RBFOX1: variants seen among roughly 807,000 people sequenced by gnomAD.
RBFOX1 encodes RNA binding protein fox-1 homolog 1.
Under a neutral mutation model 57.7 loss-of-function variants are expected in RBFOX1, and 8 were observed. The observed-to-expected ratio is 0.14, with a 90% confidence interval of 0.08 to 0.25. The LOEUF is 0.25. Ranked by LOEUF, RBFOX1 falls within the 10% of genes least tolerant of loss-of-function variation. The pLI, the probability that RBFOX1 is intolerant of heterozygous loss-of-function variation, is 1.00. For missense variants in RBFOX1, 611 were observed against 548.5 expected, an observed-to-expected ratio of 1.11 and a Z score of -1.14; for synonymous variants, 326 against 222.4, an observed-to-expected ratio of 1.47 and a Z score of -4.15.
intron 3 of RBFOX1, among the ~76,000 whole-genome samples, chr16:6,855,441 G>A (rs536904041): frequency 4.3e-4 from 66 of 152,106 alleles, no homozygotes; most frequent in African/African-American, 1.5e-3. Context: ...CATGAGGTCA[G>A]GAGATCGAGA....
chr16:5,575,158 A>T (rs142664141), intron 2 of RBFOX1, among the ~76,000 whole-genome samples: 1 of 152,156 alleles, frequency 6.6e-6, no homozygotes, highest in South Asian at 2.1e-4. Context: ...TACAACTATG[A>T]TGCTTCTGTT....
At chr16:5,814,047 A>C (rs1029893594) in intron 3 of RBFOX1, among the ~76,000 whole-genome samples, 1 of 152,248 alleles carries the variant, frequency 6.6e-6, no homozygotes, top group Admixed American at 6.5e-5. Context: ...TAGTAATAGT[A>C]GTTATTATTA....
intron 3 of RBFOX1, among the ~76,000 whole-genome samples, chr16:5,817,278 T>C (rs908395066): frequency 1.3e-5 from 2 of 152,170 alleles, no homozygotes; most frequent in Non-Finnish European, 2.9e-5. Flanking sequence ...GCTTGGAGCT[T>C]TGAAATCCAT....
At chr16:5,997,755 T>A (rs1277380419) in intron 4 of RBFOX1, among the ~76,000 whole-genome samples, 1 of 152,262 alleles carries the variant, frequency 6.6e-6, no homozygotes, top group African/African-American at 2.4e-5. Flanking sequence ...AAGTTTCTGT[T>A]AAATCTCACT....
chr16:6,730,848 A>T (rs568783146), intron 3 of RBFOX1, among the ~76,000 whole-genome samples: 1 of 152,316 alleles, frequency 6.6e-6, no homozygotes, highest in South Asian at 2.1e-4. Context: ...AGGGGACTGT[A>T]CTAAAGATTC....
chr16:7,258,210 T>C (rs1796048111), intron 4 of RBFOX1, among the ~76,000 whole-genome samples: 1 of 152,252 alleles, frequency 6.6e-6, no homozygotes, highest in African/African-American at 2.4e-5. Context: ...CAGAGAGGCA[T>C]GTATGCACAC....
In RBFOX1 at chr16:6,019,990, T is replaced by C; in HGVS notation, c.-129T>C. 6.6e-7 allele frequency: 1 copy of C among 1,526,326 alleles called. No individual in the cohort carries two copies. Among genetic ancestry groups the C allele is most frequent in the Non-Finnish European group, 8.8e-7 (1 of 1,140,542 alleles). 94.5% of individuals were successfully genotyped at this position (1,526,326 alleles called of 1,614,324 possible). ...CCGCAGCCGGGCTCGCCGGGAGTTCTAGGTAAGTCCAGGCGGAGTCATTGC... is the reference window on the plus strand; with the variant it reads ...CCGCAGCCGGGCTCGCCGGGAGTTCCAGGTAAGTCCAGGCGGAGTCATTGC... On this transcript the variant is annotated splice_region_variant and 5_prime_UTR_variant, in exon 1 of 16. Transcript: ENST00000550418. This position sits in a 1 kb window ranked among gnomAD's most constrained non-coding sequence, Gnocchi z 4.2.
At chr16:6,717,425 G>C (rs1462886824) in intron 3 of RBFOX1, among the ~76,000 whole-genome samples, 2 of 152,088 alleles carry the variant, frequency 1.3e-5, no homozygotes, top group African/African-American at 2.4e-5. Context: ...AGAAACTTGA[G>C]AGCAGAATGG....
chr16:6,207,018 A>G (rs537725132), intron 1 of RBFOX1, among the ~76,000 whole-genome samples: 1 of 152,020 alleles, frequency 6.6e-6, no homozygotes, highest in Non-Finnish European at 1.5e-5. Flanking sequence ...CTTGCTTAAA[A>G]AAAAATTAAA....
At position 7,327,088 on chromosome 16, in the gene RBFOX1, G is replaced by A. The variant is rs540439643; in HGVS notation, c.28-191059G>A. Among the ~76,000 whole-genome samples, 20 of 152,318 alleles carry A rather than the reference G, an allele frequency of 1.3e-4. No homozygotes were observed. In the South Asian group the frequency reaches 3.9e-3, roughly 30 times the overall value. On this transcript the variant is annotated intron_variant, in intron 4 of 15. Coordinates refer to ENST00000550418, the MANE Select transcript of RBFOX1 (RefSeq NM_018723.4). ...TCTGAACCAAACACAATGCTGAAAT[G>A]ACTTTCGGACAAAGGTGATGGTGCA...
intron 2 of RBFOX1, among the ~76,000 whole-genome samples, chr16:5,588,450 T>G (rs1193464766): frequency 6.6e-6 from 1 of 152,218 alleles, no homozygotes; most frequent in African/African-American, 2.4e-5. Context: ...GGTCATGTAT[T>G]GAAGCACATA....
chr16:7,350,406 A>G (rs1299181793), intron 4 of RBFOX1, among the ~76,000 whole-genome samples: 1 of 152,202 alleles, frequency 6.6e-6, no homozygotes, highest in Non-Finnish European at 1.5e-5. Context: ...ACACAAAGTC[A>G]GGTGTGCAAT....
chr16:6,785,431 C>T (rs934026273), intron 3 of RBFOX1, among the ~76,000 whole-genome samples: 1 of 152,100 alleles, frequency 6.6e-6, no homozygotes, highest in Admixed American at 6.5e-5. Context: ...GGCAAAACTG[C>T]ATTGATCCTT....
At chr16:7,061,047 C>T (rs1025827426) in intron 4 of RBFOX1, among the ~76,000 whole-genome samples, 8 of 138,040 alleles carry the variant, frequency 5.8e-5, no homozygotes, top group African/African-American at 2.0e-4. Flanking sequence ...TGTACGTGCA[C>T]GTGCACACAT....
chr16:6,450,765 G>GTATATATATATATACACATATATATA (rs1303973736), intron 2 of RBFOX1, among the ~76,000 whole-genome samples: 1 of 19,442 alleles, frequency 5.1e-5, no homozygotes, highest in Non-Finnish European at 8.9e-5. Flanking sequence ...ATATATATAT[G>GTATATATATATATACACATATATATA]TGTATATATA....
At chr16:6,282,396 G>C (rs889285874) in intron 1 of RBFOX1, among the ~76,000 whole-genome samples, 4 of 142,020 alleles carry the variant, frequency 2.8e-5, no homozygotes, top group Non-Finnish European at 6.0e-5. Context: ...TTTAAGTTCT[G>C]GGATACGTGT....
downstream of RBFOX1, among the ~76,000 whole-genome samples, chr16:5,603,978 C>T (rs543403508): frequency 1.4e-5 from 2 of 148,002 alleles, no homozygotes; most frequent in South Asian, 4.2e-4. Context: ...GTGTCATTCT[C>T]CCCTCCTATA....
chr16:5,625,987 C>T lies in RBFOX1; in HGVS notation c.318+27026C>T, dbSNP rs568215905. On this transcript the variant is annotated intron_variant, in intron 3 of 19. Transcript: ENST00000641259. ...CGCCTCCTGGGTTCAAACTATTCTC[C>T]TGCCTCAGCCTCCCATGTAGCTGGG... Among the ~76,000 whole-genome samples, 50 of 152,356 alleles carry T rather than the reference C, an allele frequency of 3.3e-4. 1 individual carries two copies. Among genetic ancestry groups the T allele is most frequent in the African/African-American group, 1.2e-3 (48 of 41,584 alleles).
chr16:6,852,905 C>T (rs1471742364), intron 3 of RBFOX1, among the ~76,000 whole-genome samples: 3 of 152,158 alleles, frequency 2.0e-5, no homozygotes, highest in Non-Finnish European at 4.4e-5. Context: ...ACACAAGGTG[C>T]ATGCTGGGAA....
Sources: gnomAD v4.1 joint callset for allele counts (sites outside exome capture counted in the v4.1 genomes callset) on GRCh38, gnomAD v4.1.1 for gene constraint, Gnocchi (gnomAD v3.1) non-coding constraint, MANE v1.5 for transcripts, NCBI Gene and HGNC (gene_info 2026-07-23, HGNC 2026-07-21) for gene names.